GPHN: variants seen among roughly 807,000 people sequenced by gnomAD.
The protein encoded by GPHN is gephyrin.
Under a neutral mutation model 95.5 loss-of-function variants are expected in GPHN, and 17 were observed. The observed-to-expected ratio is 0.18, with a 90% CI of 0.12 to 0.27. GPHN has a LOEUF of 0.27. Among genes scored for constraint, GPHN ranks in the 10% least tolerant of loss-of-function variants. The pLI is 1.00. For missense variants in GPHN, 660 were observed against 978.1 expected, an observed-to-expected ratio of 0.67 and a Z score of 4.34; for synonymous variants, 320 against 322.5, an observed-to-expected ratio of 0.99 and a Z score of 0.08.
rs2062417039 is a variant in GPHN at position 66,848,166 on chromosome 14, T to C, written c.294+23600T>C. ...AATATTTAGTACTTATGAAGAAATT[T>C]AGTGTTTTTTACTTATATCAGCAAC... is the stretch of plus-strand genomic sequence containing the variant. On this transcript the variant is annotated intron_variant, in intron 4 of 22. Transcript: ENST00000478722. Among the ~76,000 whole-genome samples the C allele has an allele frequency of 2.0e-5, 3 of 152,072 alleles. 1 individual carries two copies. Among genetic ancestry groups the C allele is most frequent in the African/African-American group, 7.2e-5 (3 of 41,430 alleles).
At chr14:66,560,185 C>T (rs1677102112) in intron 1 of GPHN, among the ~76,000 whole-genome samples, 1 of 152,056 alleles carries the variant, frequency 6.6e-6, no homozygotes, top group African/African-American at 2.4e-5. Flanking sequence ...ATGCCTCCAG[C>T]TTTGTTCTTT....
chr14:67,611,466 C>T, the GPHN span, among the ~76,000 whole-genome samples: 3 of 151,776 alleles, frequency 2.0e-5, no homozygotes, highest in Non-Finnish European at 2.9e-5. Context: ...GGGGTTTCAC[C>T]GTATTGGGCA....
intron 2 of GPHN, among the ~76,000 whole-genome samples, chr14:66,697,614 A>G (rs2068187530): frequency 6.6e-6 from 1 of 150,824 alleles, no homozygotes; most frequent in Admixed American, 6.6e-5. Context: ...GGTCTAATCT[A>G]GGGGTTGGCA....
At chr14:67,324,897 ATTTTT>A in the GPHN span, among the ~76,000 whole-genome samples, 4 of 76,334 alleles carry the variant, frequency 5.2e-5, no homozygotes, top group African/African-American at 1.2e-4. Context: ...CCTTCCTTTC[ATTTTT>A]TTTTTTTTTT....
chr14:67,117,806 C>A (rs1031186093), intron 16 of GPHN, among the ~76,000 whole-genome samples: 2 of 152,002 alleles, frequency 1.3e-5, no homozygotes, highest in Non-Finnish European at 2.9e-5. Flanking sequence ...AGCAAAAAAA[C>A]GATCAGACCT....
At chr14:66,695,154 C>CT (rs1429002133) in intron 2 of GPHN, among the ~76,000 whole-genome samples, 4 of 151,922 alleles carry the variant, frequency 2.6e-5, no homozygotes, top group Non-Finnish European at 5.9e-5. Context: ...GAGCAAGACT[C>CT]TGTCTTAAAA....
At chr14:66,651,029 C>G (rs1213805114) in intron 1 of GPHN, among the ~76,000 whole-genome samples, 1 of 152,152 alleles carries the variant, frequency 6.6e-6, no homozygotes, top group Admixed American at 6.5e-5. Context: ...TTGCGCAGCT[C>G]TGTGAGGAGA....
chr14:66,893,616 A>G (rs1195947131), intron 5 of GPHN, among the ~76,000 whole-genome samples: 1 of 152,228 alleles, frequency 6.6e-6, no homozygotes, highest in Non-Finnish European at 1.5e-5. Flanking sequence ...AGAAAACCCC[A>G]TCGTCTCAGC....
At chr14:67,393,227 T>C in the GPHN span, 1 of 1,613,212 alleles carries the variant, frequency 6.2e-7, no homozygotes, top group Non-Finnish European at 8.5e-7. Context: ...ATCGTGCATC[T>C]TGTCCACAAT....
At chr14:66,650,707 G>A (rs2065001575) in intron 1 of GPHN, among the ~76,000 whole-genome samples, 1 of 152,128 alleles carries the variant, frequency 6.6e-6, no homozygotes, top group Admixed American at 6.5e-5. Context: ...GAAATGTTTT[G>A]TGTGCTTTTG....
chr14:66,629,077 A>G (rs1181615862), intron 1 of GPHN, among the ~76,000 whole-genome samples: 1 of 128,082 alleles, frequency 7.8e-6, no homozygotes, highest in Non-Finnish European at 1.7e-5. Flanking sequence ...TCAAAAAAAA[A>G]TACATATATA....
chr14:67,540,894 TG>T, the GPHN span, among the ~76,000 whole-genome samples: 7 of 152,334 alleles, frequency 4.6e-5, no homozygotes, highest in African/African-American at 1.7e-4. Flanking sequence ...CTGCATCCAG[TG>T]TTTTTTCTCT....
chr14:67,319,112 T>C, the GPHN span, among the ~76,000 whole-genome samples: 1 of 151,982 alleles, frequency 6.6e-6, no homozygotes, highest in African/African-American at 2.4e-5. Flanking sequence ...TCTTAACAAC[T>C]AATACATGAT....
At chr14:67,296,559 C>G in the GPHN span, among the ~76,000 whole-genome samples, 2 of 124,182 alleles carry the variant, frequency 1.6e-5, 1 homozygote, top group South Asian at 5.0e-4. Context: ...TCCATCCAGC[C>G]TGGGCAACAG....
chr14:67,220,525 T>A, the GPHN span, among the ~76,000 whole-genome samples: 4 of 152,134 alleles, frequency 2.6e-5, no homozygotes, highest in Non-Finnish European at 5.9e-5. Flanking sequence ...AAATTGAGCA[T>A]CTTAAATCTA....
intron 1 of GPHN, among the ~76,000 whole-genome samples, chr14:66,577,520 T>C (rs2060956521): frequency 6.6e-6 from 1 of 152,148 alleles, no homozygotes; most frequent in African/African-American, 2.4e-5. Context: ...AATTATTCCT[T>C]CTTCAAGTAA....
chr14:67,490,297 G>A, the GPHN span, among the ~76,000 whole-genome samples: 7 of 152,294 alleles, frequency 4.6e-5, no homozygotes. Context: ...ATCTCCAGGA[G>A]CCATTGCACC....
the GPHN span, chr14:67,392,996 C>T: frequency 1.2e-6 from 1 of 866,218 alleles, no homozygotes; most frequent in Non-Finnish European, 1.9e-6. Context: ...CTGCATAGAG[C>T]CGTGGCTGCA....
chr14:66,685,291 G>T (rs1486677463), intron 2 of GPHN, among the ~76,000 whole-genome samples: 1 of 152,154 alleles, frequency 6.6e-6, no homozygotes, highest in Non-Finnish European at 1.5e-5. Context: ...GGGTCACATG[G>T]TATTTCTAGT....
Sources: gnomAD v4.1 joint callset for allele counts (sites outside exome capture counted in the v4.1 genomes callset) on GRCh38, gnomAD v4.1.1 for gene constraint, MANE v1.5 for transcripts, NCBI Gene and HGNC (gene_info 2026-07-23, HGNC 2026-07-21) for gene names.